Variants in ANKRD11 observed in about 807,000 individuals in gnomAD.
ANKRD11 encodes ankyrin repeat domain-containing protein 11.
ANKRD11 carries 17 observed loss-of-function variants against 195.7 expected under a neutral mutation model. That is an observed-to-expected ratio of 0.09 (90% CI 0.06 to 0.13). The LOEUF (loss-of-function observed/expected upper bound fraction) is 0.13. Among genes scored for constraint, ANKRD11 ranks in the 10% least tolerant of loss-of-function variants. The pLI, the probability that ANKRD11 is intolerant of heterozygous loss-of-function variation, is 1.00. For synonymous variants in ANKRD11, 1,953 were observed against 1,528.1 expected, an observed-to-expected ratio of 1.28 and a Z score of -6.49; for missense variants, 3,735 against 3,566.1, an observed-to-expected ratio of 1.05 and a Z score of -1.21.
intron 2 of ANKRD11, among the ~76,000 whole-genome samples, chr16:89,418,033 A>G (rs906151195): frequency 2.0e-5 from 3 of 152,222 alleles, no homozygotes; most frequent in Non-Finnish European, 2.9e-5. Flanking sequence ...GGCTATTAAC[A>G]ACCTATTTAA....
At chr16:89,462,485 C>T (rs971483801) in intron 1 of ANKRD11, among the ~76,000 whole-genome samples, 4 of 151,644 alleles carry the variant, frequency 2.6e-5, no homozygotes, top group African/African-American at 9.7e-5. Flanking sequence ...TCTGCCCGGC[C>T]GCCACCCCGT....
In ANKRD11 at chr16:89,279,945, G is replaced by C. The variant is rs762643863; in HGVS notation, c.6597C>G (p.Leu2199=). The part of the protein sequence containing the change: ...ALPPDQASTR[L]PAELEPEPSG... Reference sequence around the variant, plus strand: ...AGGGCTCAGGCTCGAGCTCTGCAGGGAGCCGGGTGGAGGCCTGGTCAGGAG... The same window carrying C: ...AGGGCTCAGGCTCGAGCTCTGCAGGCAGCCGGGTGGAGGCCTGGTCAGGAG... The change falls in exon 9 of 13, where the codon CTC becomes CTG. Residue 2199 remains leucine, a synonymous_variant. Transcript: ENST00000301030. The surrounding 1 kb of genome is among the most constrained non-coding windows in gnomAD (Gnocchi z 5.6). 1.6e-4 allele frequency: 261 copies of C among 1,609,926 alleles called. 1 individual carries two copies. Among genetic ancestry groups the C allele is most frequent in the Middle Eastern group, 3.3e-4 (2 of 6,038 alleles).
At position 89,280,383 on chromosome 16, in the gene ANKRD11, C is replaced by G. The variant is rs368315956; in HGVS notation, c.6159G>C (p.Ala2053=). ...AVPAAISTSE[A]APYAPPSGLE... is the part of the protein sequence containing the mutation. ...GCCCGGAGGGAGGGGCGTAGGGAGC[C>G]GCCTCTGAGGTGGAGATGGCGGCGG... Residue 2053 remains alanine, a synonymous_variant, in exon 9 of 13, where the codon GCG becomes GCC. Transcript: ENST00000301030. The G allele has an allele frequency of 3.8e-6, 6 of 1,561,980 alleles. No homozygotes were observed. The Admixed American group carries it at 1.1e-4, about 29-fold the overall frequency.
At chr16:89,418,485 C>T (rs2042388710) in intron 1 of ANKRD11, 117 bp from the exon 2 acceptor site, 1 of 331,376 alleles carries the variant, frequency 3.0e-6, no homozygotes, top group African/African-American at 2.1e-5. Flanking sequence ...CTTCCTCTCC[C>T]ATGACCCACT....
At chr16:89,292,189 G>A (rs1234703274) in intron 4 of ANKRD11, among the ~76,000 whole-genome samples, 1 of 152,154 alleles carries the variant, frequency 6.6e-6, no homozygotes, top group Non-Finnish European at 1.5e-5. Flanking sequence ...AGGAAGACGT[G>A]GGCCTCTGAA....
chr16:89,330,502 G>A (rs2037991264), intron 2 of ANKRD11, among the ~76,000 whole-genome samples: 1 of 152,088 alleles, frequency 6.6e-6, no homozygotes, highest in East Asian at 1.9e-4. Context: ...GGGGCTACGT[G>A]AGGGTCCCCG....
At chr16:89,460,148 G>C (rs1013025952) in intron 1 of ANKRD11, among the ~76,000 whole-genome samples, 6 of 150,232 alleles carry the variant, frequency 4.0e-5, no homozygotes, top group African/African-American at 1.5e-4. Context: ...TGAGGCAGGA[G>C]AATCATTTGA....
Position 89,271,407 on chromosome 16 carries a change from G to A in ANKRD11, c.7714-498C>T, listed in dbSNP as rs1183672463. The A allele has an allele frequency of 1.3e-5, 3 of 237,480 alleles. No homozygotes were observed. In the South Asian group the frequency reaches 1.5e-4, roughly 12 times the overall value. The allele number at this position is 237,480 out of a possible 1,614,324, so 14.7% of individuals were successfully genotyped here. On this transcript the variant is annotated intron_variant, in intron 11 of 12. Transcript: ENST00000301030. The stretch of plus-strand genomic sequence containing the variant: ...GCAGCCACCACGCCCAGCTAATTTT[G>A]TATTTTTAGTAGAGACGGGGTTTCT...
chr16:89,323,223 G>GAAA, intron 2 of ANKRD11: 1 of 1,090,934 alleles, frequency 9.2e-7, no homozygotes, highest in Non-Finnish European at 1.2e-6. Flanking sequence ...CTGAGCGGAG[G>GAAA]AAAAAAGAAA....
chr16:89,280,964 G>C lies in ANKRD11; in HGVS notation c.5578C>G (p.Pro1860Ala). 6.4e-7 allele frequency: 1 copy of C among 1,571,172 alleles called. No homozygotes were observed. The highest frequency in any genetic ancestry group is 8.7e-7 in the Non-Finnish European group (1 of 1,155,864). The change falls in exon 9 of 13, where the codon CCC (proline) becomes GCC (alanine). Residue 1860 changes from proline to alanine, a missense_variant. Pro to Ala is a conservative substitution (Grantham distance 27). Transcript: ENST00000301030. ...YYSPDYGLPSPKVDALHCPPA... is the reference protein window; with the variant it reads ...YYSPDYGLPSAKVDALHCPPA... ...GGGCAGTGCAAAGCGTCGACTTTGG[G>C]CGACGGGAGGCCATAGTCTGGGGAG...
At chr16:89,288,805 GT>G in intron 6 of ANKRD11, 135 bp from the exon 7 acceptor site, 1 of 1,239,496 alleles carries the variant, frequency 8.1e-7, no homozygotes, top group Non-Finnish European at 1.2e-6. Context: ...GAGGGCTGCA[GT>G]TTAGGGAAGC....
intron 1 of ANKRD11, among the ~76,000 whole-genome samples, chr16:89,444,641 C>A (rs906952755): frequency 6.6e-6 from 1 of 152,130 alleles, no homozygotes; most frequent in South Asian, 2.1e-4. Context: ...TAGCAGCATA[C>A]AAGACTGCTT....
intron 1 of ANKRD11, among the ~76,000 whole-genome samples, chr16:89,450,100 T>C (rs1372728316): frequency 6.6e-6 from 1 of 152,186 alleles, no homozygotes; most frequent in Non-Finnish European, 1.5e-5. Flanking sequence ...ACTGAATGTG[T>C]CACACTCTGC....
intron 2 of ANKRD11, among the ~76,000 whole-genome samples, chr16:89,368,202 CTTT>C (rs796397106): frequency 6.9e-6 from 1 of 144,666 alleles, no homozygotes; most frequent in Non-Finnish European, 1.5e-5. Context: ...TGTTTTCGAG[CTTT>C]TTTTTTTTGA....
intron 2 of ANKRD11, chr16:89,361,697 T>G (rs2039739040): frequency 6.6e-6 from 1 of 152,130 alleles, no homozygotes; most frequent in Admixed American, 6.5e-5. Context: ...CACCAATCAG[T>G]AGAAGATCAC....
chr16:89,320,745 A>G (rs1451648145), intron 2 of ANKRD11, among the ~76,000 whole-genome samples: 1 of 152,072 alleles, frequency 6.6e-6, no homozygotes, highest in African/African-American at 2.4e-5. Context: ...ATAAGACACA[A>G]CTCAGCCCAG....
chr16:89,448,627 C>A (rs975896121), intron 1 of ANKRD11, among the ~76,000 whole-genome samples: 1 of 152,208 alleles, frequency 6.6e-6, no homozygotes, highest in Non-Finnish European at 1.5e-5. Context: ...AAATAATCTT[C>A]AAATACGCCT....
chr16:89,290,558 A>G (rs1259431797), intron 6 of ANKRD11, 67 bp downstream of exon 6: 75 of 1,334,912 alleles, frequency 5.6e-5, no homozygotes, highest in African/African-American at 3.2e-4. Flanking sequence ...GAGGCTCAGG[A>G]CTCCACTGGG....
chr16:89,418,785 A>G (rs1412910390), intron 1 of ANKRD11, among the ~76,000 whole-genome samples: 6 of 149,508 alleles, frequency 4.0e-5, no homozygotes, highest in Non-Finnish European at 8.9e-5. Context: ...TTTTTTGGAG[A>G]CAGAGTTTCA....
Sources: allele counts gnomAD v4.1 joint callset (sites outside exome capture counted in the v4.1 genomes callset), GRCh38; gene constraint gnomAD v4.1.1; non-coding constraint Gnocchi (gnomAD v3.1); transcripts MANE v1.5; gene names NCBI Gene and HGNC (gene_info 2026-07-23, HGNC 2026-07-21).